Variants in IVNS1ABP observed in about 807,000 individuals in gnomAD.
IVNS1ABP encodes the protein influenza virus NS1A binding protein.
IVNS1ABP carries 25 observed loss-of-function variants against 78.9 expected under a neutral mutation model. The observed-to-expected ratio is 0.32, with a 90% CI of 0.23 to 0.44. The LOEUF is 0.44. Among genes scored for constraint, IVNS1ABP ranks in the 20% least tolerant of loss-of-function variants. The probability of loss-of-function intolerance (pLI) is 1.00; values close to 1 mark genes in which losing one functional copy is unlikely to be tolerated. For synonymous variants in IVNS1ABP, 241 were observed against 259.7 expected (o/e 0.93, Z 0.69); for missense variants, 494 against 768.9 (o/e 0.64, Z 4.23).
chr1:185,313,438 T>C (rs544935482), intron 1 of IVNS1ABP, among the ~76,000 whole-genome samples: 1 of 152,306 alleles, frequency 6.6e-6, no homozygotes, highest in South Asian at 2.1e-4. Flanking sequence ...GCAAACTTAC[T>C]TTATTCAATT....
Position 185,317,144 on chromosome 1 carries a change from ACTCG to A in IVNS1ABP, c.-442_-439del, listed in dbSNP as rs1210513954. 5 of 398,136 alleles carry A rather than the reference ACTCG, an allele frequency of 1.3e-5. No individual in the cohort carries two copies. The highest frequency in any genetic ancestry group is 4.4e-5 in the Admixed American group (1 of 22,658). 24.7% of individuals were successfully genotyped at this position (398,136 alleles called of 1,614,324 possible). A position where few individuals can be genotyped will look rare whatever the true frequency, so the allele number is the denominator to read the frequency against. On this transcript the variant is annotated 5_prime_UTR_variant, in exon 1 of 15. Coordinates refer to ENST00000367498, the MANE Select transcript of IVNS1ABP (RefSeq NM_006469.5). ...GGAGCGCCACCGAGAACTCGCGGGA[ACTCG>A]CTCGCTCGCCGATACAGCCGCGCCG...
chr1:185,316,482 T>A (rs1414720842), intron 1 of IVNS1ABP, among the ~76,000 whole-genome samples: 1 of 151,980 alleles, frequency 6.6e-6, no homozygotes, highest in East Asian at 1.9e-4. Flanking sequence ...TCTCGAGAGC[T>A]CTTCCAGAAG....
chr1:185,301,614 T>G, intron 8 of IVNS1ABP, 51 bp from the exon 9 acceptor site: 1 of 1,606,084 alleles, frequency 6.2e-7, no homozygotes. Flanking sequence ...CCACATCTGA[T>G]GTACCTTTGT....
At chr1:185,307,787 A>G in intron 5 of IVNS1ABP, 125 bp from the exon 6 acceptor site, 1 of 1,203,188 alleles carries the variant, frequency 8.3e-7, no homozygotes, top group African/African-American at 1.5e-5. Context: ...TAATACAACA[A>G]ATGTTAATAG....
At position 185,298,017 on chromosome 1, in the gene IVNS1ABP, G is replaced by A. The variant is rs764190612; in HGVS notation, c.*18C>T. On this transcript the variant is annotated 3_prime_UTR_variant, in exon 15 of 15. Transcript: ENST00000367498. This position sits in a 1 kb window ranked among gnomAD's most constrained non-coding sequence, Gnocchi z 4.1. ...ATTACATCACTAAGCCTGTTAGTTT[G>A]AGAGGGTCTTAAATTTGTTAAAACT... The A allele has an allele frequency of 6.2e-7, 1 of 1,610,260 alleles. No individual in the cohort carries two copies. Among genetic ancestry groups the A allele is most frequent in the South Asian group, 1.1e-5 (1 of 90,812 alleles).
intron 10 of IVNS1ABP, 41 bp downstream of exon 10, chr1:185,300,931 C>G (rs768819759): frequency 6.7e-7 from 1 of 1,496,502 alleles, no homozygotes; most frequent in East Asian, 2.3e-5. Flanking sequence ...CACAAAAATG[C>G]CCATCTACAT....
intron 1 of IVNS1ABP, among the ~76,000 whole-genome samples, chr1:185,316,391 A>G (rs1666030032): frequency 6.6e-6 from 1 of 151,866 alleles, no homozygotes; most frequent in African/African-American, 2.4e-5. Flanking sequence ...GGAACAAAGG[A>G]CCCCGCGGCC....
chr1:185,311,525 TAAAA>T (rs35365424), intron 1 of IVNS1ABP, among the ~76,000 whole-genome samples: 2 of 134,140 alleles, frequency 1.5e-5, no homozygotes, highest in South Asian at 2.3e-4. Flanking sequence ...CCCAAGTGAT[TAAAA>T]AAAAAAAAAA....
intron 6 of IVNS1ABP, 27 bp from the exon 7 acceptor site, chr1:185,307,166 G>T: frequency 6.2e-7 from 1 of 1,612,060 alleles, no homozygotes; most frequent in South Asian, 1.1e-5. Flanking sequence ...CAATGACATG[G>T]ATCAGTGTTG....
chr1:185,304,011 G>A (rs1048523474), intron 8 of IVNS1ABP, among the ~76,000 whole-genome samples: 2 of 152,044 alleles, frequency 1.3e-5, no homozygotes, highest in Non-Finnish European at 2.9e-5. Context: ...CTTATGACCT[G>A]CAATTCCAAG....
At chr1:185,312,538 T>G (rs540555857) in intron 1 of IVNS1ABP, among the ~76,000 whole-genome samples, 1 of 152,334 alleles carries the variant, frequency 6.6e-6, no homozygotes, top group African/African-American at 2.4e-5. Flanking sequence ...CCTACTATGT[T>G]TAGTTCAACA....
chr1:185,307,988 T>A lies in IVNS1ABP; in HGVS notation c.358-326A>T, dbSNP rs1240442221. On this transcript the variant is annotated intron_variant, in intron 5 of 14. Coordinates refer to ENST00000367498, the MANE Select transcript of IVNS1ABP (RefSeq NM_006469.5). ...GGCTCTACAGGAGAGATGATGTTGA[T>A]GTTGAATGCAGACAGAAGTAGAGAA... is the stretch of plus-strand genomic sequence containing the variant. 3.2e-6 allele frequency: 5 copies of A among 1,550,026 alleles called. No individual in the cohort carries two copies. The Admixed American group carries it at 9.8e-5, about 30-fold the overall frequency.
In IVNS1ABP at chr1:185,300,361, GAT is replaced by G; in HGVS notation, c.1243-20_1243-19del. The G allele has an allele frequency of 6.2e-7, 1 of 1,613,438 alleles. No homozygotes were observed. Among genetic ancestry groups the G allele is most frequent in the Non-Finnish European group, 8.5e-7 (1 of 1,179,654 alleles). ...AGCTGGCCCTATGCCAAAAGTGAGAGATGAGAATTTCTAACATCCTGAAGTTA... is the reference window on the plus strand; with the variant it reads ...AGCTGGCCCTATGCCAAAAGTGAGAGGAGAATTTCTAACATCCTGAAGTTA... On this transcript the variant is annotated intron_variant, in intron 11 of 14. Transcript: ENST00000367498.
chr1:185,302,754 C>G (rs906921724), intron 8 of IVNS1ABP, among the ~76,000 whole-genome samples: 11 of 152,106 alleles, frequency 7.2e-5, no homozygotes, highest in African/African-American at 1.7e-4. Context: ...TTACTAGGTA[C>G]TTTATTTACA....
rs992212085 is a variant in IVNS1ABP, at chr1:185,305,267, C to G, written c.765+269G>C. ...TTTTCATAATCTTCCCAAATAATTT[C>G]TATATTGTTCCATCTTATTGGCCTT... On this transcript the variant is annotated intron_variant, in intron 8 of 14. Coordinates refer to ENST00000367498, the MANE Select transcript of IVNS1ABP (RefSeq NM_006469.5). This position sits in a 1 kb window ranked among gnomAD's most constrained non-coding sequence, Gnocchi z 4.0. 8.5e-5 allele frequency among the ~76,000 whole-genome samples: 13 copies of G among 152,112 alleles called. No individual in the cohort carries two copies. The highest frequency in any genetic ancestry group is 2.6e-4 in the Admixed American group (4 of 15,264).
At position 185,298,242 on chromosome 1, in the gene IVNS1ABP, A is replaced by G. The variant is rs747122222; in HGVS notation, c.1722T>C (p.Ser574=). ...TAGTTGGATCATACATTTCCACACAACTGATGGCATGAGAACCATCAAAGC... is the reference window on the plus strand; with the variant it reads ...TAGTTGGATCATACATTTCCACACAGCTGATGGCATGAGAACCATCAAAGC... ...CGGFDGSHAI[S]CVEMYDPTRN... is the part of the protein sequence containing the mutation. The change falls in exon 15 of 15, where the codon AGT becomes AGC. Residue 574 remains serine, a synonymous_variant. Transcript: ENST00000367498. This position sits in a 1 kb window ranked among gnomAD's most constrained non-coding sequence, Gnocchi z 4.1. 17 of 1,613,430 alleles carry G rather than the reference A, an allele frequency of 1.1e-5. No homozygotes were observed. The highest frequency in any genetic ancestry group is 1.2e-5 in the Non-Finnish European group (14 of 1,179,678).
At chr1:185,306,279 C>T (rs1665738655) in intron 7 of IVNS1ABP, 1 of 263,666 alleles carries the variant, frequency 3.8e-6, no homozygotes, top group Admixed American at 5.3e-5. Context: ...CATAAAGGAA[C>T]TCCGAAAGGT....
chr1:185,300,439 T>C lies in IVNS1ABP; in HGVS notation c.1240A>G (p.Met414Val), dbSNP rs969566300. The change falls in exon 11 of 15, where the codon ATG becomes GTG. Residue 414 changes from methionine to valine, a missense_variant and splice_region_variant. Met to Val is a conservative substitution (Grantham distance 21, BLOSUM62 1). Coordinates refer to ENST00000367498, the MANE Select transcript of IVNS1ABP (RefSeq NM_006469.5). ...CTCCTGCAACATAATGCGCTTACCA[T>C]GAGTACAGCCATTTGAAATCGGGCT... ...PRARFQMAVLMGQLYVVGGSN... is the reference protein window; with the variant it reads ...PRARFQMAVLVGQLYVVGGSN... 2 of 1,613,596 alleles carry C rather than the reference T, an allele frequency of 1.2e-6. No homozygotes were observed. Among genetic ancestry groups the C allele is most frequent in the Non-Finnish European group, 1.7e-6 (2 of 1,179,700 alleles).
chr1:185,304,576 T>C (rs1330085028), intron 8 of IVNS1ABP, among the ~76,000 whole-genome samples: 1 of 152,150 alleles, frequency 6.6e-6, no homozygotes, highest in Non-Finnish European at 1.5e-5. Context: ...AGTCGACTGC[T>C]TTATAGCTTG....
Sources: gnomAD v4.1 joint callset for allele counts (sites outside exome capture counted in the v4.1 genomes callset) on GRCh38, gnomAD v4.1.1 for gene constraint, Gnocchi (gnomAD v3.1) non-coding constraint, MANE v1.5 for transcripts, NCBI Gene and HGNC (gene_info 2026-07-23, HGNC 2026-07-21) for gene names.